The following LRMDA variants were observed in gnomAD, a reference collection of about 807,000 sequenced individuals.
LRMDA encodes the protein leucine-rich melanocyte differentiation-associated protein.
In LRMDA, 18 loss-of-function variants were observed where a neutral mutation model predicts 29.8. The ratio of observed to expected loss-of-function variants is 0.60; its 90% CI spans 0.42 to 0.90. The LOEUF (loss-of-function observed/expected upper bound fraction) is 0.90, where lower values mean the gene tolerates loss of function less well. LRMDA is among the 40% of genes least tolerant of loss of function. LRMDA has a pLI of 0.00. For missense variants in LRMDA, 273 were observed against 273.9 expected (o/e 1.00, Z 0.02); for synonymous variants, 125 against 109.4 (o/e 1.14, Z -0.89).
chr10:76,062,692 G>A (rs986169912), intron 5 of LRMDA, among the ~76,000 whole-genome samples: 5 of 151,532 alleles, frequency 3.3e-5, no homozygotes, highest in African/African-American at 4.9e-5. Flanking sequence ...GTGTGTGTGT[G>A]TGTGTTATTA....
At chr10:75,571,670 C>T (rs1840439510) in intron 2 of LRMDA, among the ~76,000 whole-genome samples, 2 of 152,138 alleles carry the variant, frequency 1.3e-5, no homozygotes, top group South Asian at 2.1e-4. Context: ...GGTACCTTGG[C>T]TTTTAAGAAG....
intron 2 of LRMDA, among the ~76,000 whole-genome samples, chr10:75,447,985 C>G (rs1844413254): frequency 6.6e-6 from 1 of 152,150 alleles, no homozygotes; most frequent in Non-Finnish European, 1.5e-5. Context: ...GTGGCACTCC[C>G]TCCTCCCTAA....
chr10:76,363,116 GGAAAGAAAGAAAGAAAGAAAGAAAGAAA>G (rs1192417224), intron 6 of LRMDA, among the ~76,000 whole-genome samples: 2 of 51,476 alleles, frequency 3.9e-5, no homozygotes, highest in Admixed American at 2.7e-4. Flanking sequence ...TGTGGAGTAA[GGAAAGAAAGAAAGAAAGAAAGAAAGAAA>G]GAAAGAAAGA....
chr10:76,188,204 A>G (rs1029056617), intron 5 of LRMDA, among the ~76,000 whole-genome samples: 1 of 152,200 alleles, frequency 6.6e-6, no homozygotes, highest in African/African-American at 2.4e-5. Context: ...ATTGATTCTC[A>G]TATTTGGTTT....
intron 5 of LRMDA, among the ~76,000 whole-genome samples, chr10:76,309,976 T>A (rs1164016756): frequency 6.6e-6 from 1 of 152,246 alleles, no homozygotes; most frequent in Non-Finnish European, 1.5e-5. Flanking sequence ...TACACCACAG[T>A]ACCCTTAAAA....
intron 2 of LRMDA, among the ~76,000 whole-genome samples, chr10:75,951,165 G>A (rs1198715396): frequency 6.6e-6 from 1 of 152,186 alleles, no homozygotes; most frequent in Non-Finnish European, 1.5e-5. Context: ...AGCTGACATT[G>A]TCCTTTCCCA....
chr10:76,515,670 A>T (rs1267135621), intron 6 of LRMDA, among the ~76,000 whole-genome samples: 1 of 151,960 alleles, frequency 6.6e-6, no homozygotes, highest in Non-Finnish European at 1.5e-5. Context: ...CACACCCAGC[A>T]AATTTTTGTA....
rs145794982 is a variant in LRMDA, at chr10:76,045,723, G to A, written c.259-1441G>A. 3.3e-5 allele frequency among the ~76,000 whole-genome samples: 5 copies of A among 152,252 alleles called. No individual in the cohort carries two copies. In the East Asian group the frequency reaches 9.7e-4, roughly 29 times the overall value. On this transcript the variant is annotated intron_variant, in intron 3 of 6. Transcript: ENST00000611255. ...GCCTTATTCTTTGTGACCCCAAGCA[G>A]TTAAATTGGGTCACTGAGTAGAGGT... is the stretch of plus-strand genomic sequence containing the variant.
At chr10:76,380,112 CT>C (rs1414589915) in intron 6 of LRMDA, among the ~76,000 whole-genome samples, 2 of 152,022 alleles carry the variant, frequency 1.3e-5, no homozygotes, top group Non-Finnish European at 2.9e-5. Context: ...CTTATTGAGA[CT>C]TGTTTTATGG....
At chr10:75,919,997 A>G (rs1407899986) in intron 2 of LRMDA, among the ~76,000 whole-genome samples, 1 of 152,096 alleles carries the variant, frequency 6.6e-6, no homozygotes, top group East Asian at 1.9e-4. Context: ...CTGAAAATCA[A>G]CATCAACTTG....
chr10:76,363,176 A>AGAAAGAAAGAAAGGAG (rs1459442138), intron 6 of LRMDA, among the ~76,000 whole-genome samples: 1 of 21,784 alleles, frequency 4.6e-5, no homozygotes, highest in African/African-American at 1.5e-4. Context: ...AAAGAAAGAA[A>AGAAAGAAAGAAAGGAG]GGAGGGAGGG....
chr10:76,366,118 G>A (rs1214804994), intron 6 of LRMDA, among the ~76,000 whole-genome samples: 1 of 152,158 alleles, frequency 6.6e-6, no homozygotes, highest in Non-Finnish European at 1.5e-5. Flanking sequence ...TTTTATACCA[G>A]TACCACGCTG....
At chr10:75,483,826 A>AT (rs894101199) in intron 2 of LRMDA, among the ~76,000 whole-genome samples, 7 of 99,876 alleles carry the variant, frequency 7.0e-5, no homozygotes, top group East Asian at 3.1e-4. Context: ...TATGCTTCTC[A>AT]TTTTTTTTCC....
intron 6 of LRMDA, among the ~76,000 whole-genome samples, chr10:76,523,362 G>T (rs143921811): frequency 1.9e-3 from 283 of 152,180 alleles, no homozygotes; most frequent in African/African-American, 6.4e-3. Context: ...TGCCAAGGGG[G>T]TCAGGAGGGC....
chr10:76,471,767 T>C (rs1842619878), intron 6 of LRMDA, among the ~76,000 whole-genome samples: 1 of 151,340 alleles, frequency 6.6e-6, no homozygotes, highest in Admixed American at 6.6e-5. Flanking sequence ...AAAATTGGAG[T>C]GGCTATACGA....
intron 2 of LRMDA, among the ~76,000 whole-genome samples, chr10:75,541,885 CCTCTCTCTCCCCAA>C (rs1233850478): frequency 6.6e-6 from 1 of 152,112 alleles, no homozygotes; most frequent in Non-Finnish European, 1.5e-5. Flanking sequence ...TCTCTCCCCA[CCTCTCTCTCCCCAA>C]GCCAAAGGGG....
chr10:75,611,580 G>A (rs1262050430), intron 2 of LRMDA, among the ~76,000 whole-genome samples: 2 of 152,066 alleles, frequency 1.3e-5, no homozygotes, highest in Admixed American at 1.3e-4. Context: ...GTCTCTGTGA[G>A]TTTGACTACT....
At chr10:76,367,315 G>A (rs1171417951) in intron 6 of LRMDA, among the ~76,000 whole-genome samples, 2 of 152,138 alleles carry the variant, frequency 1.3e-5, no homozygotes, top group Non-Finnish European at 2.9e-5. Flanking sequence ...GTGGAATAGT[G>A]TCAAAAGGAT....
At chr10:76,036,838 C>T (rs531889503) in intron 3 of LRMDA, among the ~76,000 whole-genome samples, 2 of 152,114 alleles carry the variant, frequency 1.3e-5, no homozygotes, top group Non-Finnish European at 2.9e-5. Context: ...ACCTAAGGCC[C>T]GTAGCTCCTG....
Sources: allele counts gnomAD v4.1 joint callset (sites outside exome capture counted in the v4.1 genomes callset), GRCh38; gene constraint gnomAD v4.1.1; transcripts MANE v1.5; gene names NCBI Gene and HGNC (gene_info 2026-07-23, HGNC 2026-07-21).